CASK: variants seen among roughly 807,000 people sequenced by gnomAD.
CASK encodes calcium/calmodulin dependent serine protein kinase.
A neutral mutation model predicts 82.9 loss-of-function variants in CASK; 4 were observed. The ratio of observed to expected loss-of-function variants is 0.05; its 90% confidence interval spans 0.02 to 0.11. The LOEUF (loss-of-function observed/expected upper bound fraction) is 0.11. Among genes scored for constraint, CASK ranks in the 10% least tolerant of loss-of-function variants. CASK has a pLI of 1.00. For synonymous variants in CASK, 259 were observed against 253.5 expected (o/e 1.02, Z -0.20); for missense variants, 358 against 720.9 (o/e 0.50, Z 5.76).
intron 8 of CASK, among the ~76,000 whole-genome samples, chrX:41,656,153 C>T (rs1391962025): frequency 8.9e-6 from 1 of 112,158 alleles, no homozygotes; most frequent in Non-Finnish European, 1.9e-5. Flanking sequence ...GGTACTGCAA[C>T]AGTGCAGAGA....
chrX:41,622,160 T>A (rs1440047780), intron 11 of CASK, among the ~76,000 whole-genome samples: 1 of 112,369 alleles, frequency 8.9e-6, no homozygotes, highest in Admixed American at 9.5e-5. Flanking sequence ...TTAAGAGATA[T>A]GATTTCAGAA....
At chrX:41,867,692 C>A (rs1022786361) in intron 1 of CASK, among the ~76,000 whole-genome samples, 3 of 111,666 alleles carry the variant, frequency 2.7e-5, no homozygotes, top group African/African-American at 9.8e-5. Flanking sequence ...TAAAATAGGC[C>A]TTATAAACTT....
chrX:41,681,605 G>A (rs190675728), intron 5 of CASK, among the ~76,000 whole-genome samples: 5 of 111,259 alleles, frequency 4.5e-5, no homozygotes, highest in East Asian at 2.8e-4. Context: ...ACTGTGTTTA[G>A]TGCAATACCT....
intron 2 of CASK, among the ~76,000 whole-genome samples, chrX:41,813,435 C>T (rs778532076): frequency 9.0e-6 from 1 of 110,828 alleles, no homozygotes; most frequent in South Asian, 3.9e-4. Context: ...AGAAATAATA[C>T]CACACATCTA....
rs185893882 is a variant in CASK, at chrX:41,843,858, T to C, written c.172+9257A>G. Reference sequence around the variant, plus strand: ...ATTCATGTTGTAGCTTATATCAGTATGTCATTCCTTTTTATGGTTGAAAAA... The same window carrying C: ...ATTCATGTTGTAGCTTATATCAGTACGTCATTCCTTTTTATGGTTGAAAAA... On this transcript the variant is annotated intron_variant, in intron 2 of 26. Transcript: ENST00000378163. Among the ~76,000 whole-genome samples the C allele has an allele frequency of 4.3e-3, 485 of 111,855 alleles. 4 individuals carry two copies. Among genetic ancestry groups the C allele is most frequent in the African/African-American group, 0.015 (471 of 30,865 alleles).
At chrX:41,830,202 G>T (rs1197402892) in intron 2 of CASK, among the ~76,000 whole-genome samples, 2 of 108,880 alleles carry the variant, frequency 1.8e-5, no homozygotes, top group Non-Finnish European at 3.8e-5. Flanking sequence ...GTCTCACTAT[G>T]TTGCCCAGGC....
At position 41,640,423 on chromosome X, in the gene CASK, C is replaced by T. The variant is rs755370446; in HGVS notation, c.832-3762G>A. Among the ~76,000 whole-genome samples the T allele has an allele frequency of 2.4e-3, 262 of 111,014 alleles. 1 individual carries two copies. The highest frequency in any genetic ancestry group is 8.2e-3 in the African/African-American group (249 of 30,504). On this transcript the variant is annotated intron_variant, in intron 8 of 26. Coordinates refer to ENST00000378163, the MANE Select transcript of CASK (RefSeq NM_001367721.1). Reference sequence around the variant, plus strand: ...TTCACCATATTGGCCAGGCTGGTCTCGATCTCCTGACCTTGTGATCTGCCT... The same window carrying T: ...TTCACCATATTGGCCAGGCTGGTCTTGATCTCCTGACCTTGTGATCTGCCT...
chrX:41,533,173 T>A (rs2064829353), intron 24 of CASK, among the ~76,000 whole-genome samples: 1 of 112,023 alleles, frequency 8.9e-6, no homozygotes, highest in South Asian at 3.7e-4. Flanking sequence ...TAGATATATG[T>A]TATATACACA....
At chrX:41,838,983 G>C (rs764042189) in intron 2 of CASK, among the ~76,000 whole-genome samples, 2 of 111,061 alleles carry the variant, frequency 1.8e-5, no homozygotes, top group African/African-American at 6.5e-5. Context: ...GTACTTATGG[G>C]TAATCTAATC....
chrX:41,669,942 T>C (rs1350961546), intron 6 of CASK, among the ~76,000 whole-genome samples: 1 of 111,955 alleles, frequency 8.9e-6, no homozygotes, highest in Non-Finnish European at 1.9e-5. Context: ...ATGGTAGTTG[T>C]CTACAAACAG....
At chrX:41,890,817 C>T (rs1207245334) in intron 1 of CASK, among the ~76,000 whole-genome samples, 1 of 111,268 alleles carries the variant, frequency 9.0e-6, no homozygotes, top group Non-Finnish European at 1.9e-5. Context: ...AAGTTGTCTA[C>T]ATACCAAGAG....
intron 12 of CASK, among the ~76,000 whole-genome samples, chrX:41,594,181 G>A (rs2065784432): frequency 8.9e-6 from 1 of 112,332 alleles, no homozygotes; most frequent in African/African-American, 3.2e-5. Context: ...CTTCTCCTGG[G>A]CTTGCTGAAA....
At chrX:41,565,951 A>C (rs2065311054) in intron 16 of CASK, among the ~76,000 whole-genome samples, 1 of 112,108 alleles carries the variant, frequency 8.9e-6, no homozygotes, top group African/African-American at 3.2e-5. Context: ...AATAAACGTA[A>C]TCCATCATAT....
intron 26 of CASK, 50 bp from the exon 27 acceptor site, chrX:41,520,646 G>A (rs748786096): frequency 4.0e-6 from 4 of 993,691 alleles, no homozygotes; most frequent in Non-Finnish European, 4.3e-6. Context: ...GGAGGGAAAA[G>A]CAAACAGAAG....
chrX:41,648,855 G>A (rs184935303), intron 8 of CASK, among the ~76,000 whole-genome samples: 109 of 111,440 alleles, frequency 9.8e-4, no homozygotes, highest in African/African-American at 3.4e-3. Flanking sequence ...TGTACCTCTG[G>A]TAGAATTGGG....
intron 3 of CASK, among the ~76,000 whole-genome samples, chrX:41,754,933 C>A (rs1234479394): frequency 2.0e-5 from 2 of 99,428 alleles, no homozygotes; most frequent in African/African-American, 7.6e-5. Flanking sequence ...GGCAGGAGTG[C>A]AGTGGTGCCA....
At position 41,561,548 on chromosome X, in the gene CASK, C is replaced by G. The variant is rs763184699; in HGVS notation, c.1668+11G>C. The G allele has an allele frequency of 7.8e-6, 9 of 1,156,483 alleles. No homozygotes were observed. On this transcript the variant is annotated intron_variant, in intron 17 of 26. Coordinates refer to ENST00000378163, the MANE Select transcript of CASK (RefSeq NM_001367721.1). ...TCAATTTTAGGAAAGGAAAAACTTTCATTTACTTACAAGCATTTTTTGCAG... is the reference window on the plus strand; with the variant it reads ...TCAATTTTAGGAAAGGAAAAACTTTGATTTACTTACAAGCATTTTTTGCAG...
intron 1 of CASK, among the ~76,000 whole-genome samples, chrX:41,900,068 G>T: frequency 9.5e-6 from 1 of 105,740 alleles, no homozygotes; most frequent in African/African-American, 3.5e-5. Context: ...TTTTCTTTCA[G>T]CGCTTTGAAT....
chrX:41,593,449 T>A (rs1028704284), intron 12 of CASK, among the ~76,000 whole-genome samples: 2 of 111,688 alleles, frequency 1.8e-5, no homozygotes, highest in Non-Finnish European at 3.8e-5. Flanking sequence ...TGGGGTTCTA[T>A]GTACTAGGGA....
Sources: allele counts gnomAD v4.1 joint callset (sites outside exome capture counted in the v4.1 genomes callset), GRCh38; gene constraint gnomAD v4.1.1; transcripts MANE v1.5; gene names NCBI Gene and HGNC (gene_info 2026-07-23, HGNC 2026-07-21).